The following TLL1 variants were observed in gnomAD, a reference collection of about 807,000 sequenced individuals.
TLL1 encodes the protein tolloid like 1.
TLL1 carries 49 observed loss-of-function variants against 128.2 expected under a neutral mutation model. The observed-to-expected ratio is 0.38, with a 90% CI of 0.30 to 0.48. The LOEUF (loss-of-function observed/expected upper bound fraction) is 0.48, where lower values mean the gene tolerates loss of function less well. TLL1 is among the 20% of genes least tolerant of loss of function. The pLI, the probability that TLL1 is intolerant of heterozygous loss-of-function variation, is 0.96. For synonymous variants in TLL1, 454 were observed against 418.8 expected (o/e 1.08, Z -1.03); for missense variants, 1,123 against 1,242.0 (o/e 0.90, Z 1.44).
intron 1 of TLL1, among the ~76,000 whole-genome samples, chr4:165,962,512 A>G (rs1735157456): frequency 6.6e-6 from 1 of 152,166 alleles, no homozygotes. Context: ...AGCAGTTTGG[A>G]GATTTCTCGA....
chr4:165,929,279 A>G (rs1733408168), intron 1 of TLL1, among the ~76,000 whole-genome samples: 1 of 152,280 alleles, frequency 6.6e-6, no homozygotes, highest in East Asian at 1.9e-4. Context: ...TCATCTTTCT[A>G]TTGTTTAAAG....
intron 15 of TLL1, among the ~76,000 whole-genome samples, chr4:166,061,126 T>C (rs1740290381): frequency 6.6e-6 from 1 of 152,192 alleles, no homozygotes; most frequent in South Asian, 2.1e-4. Flanking sequence ...GTAATGTATC[T>C]GTGCCACTGA....
chr4:166,029,150 A>C (rs559063786), intron 9 of TLL1, among the ~76,000 whole-genome samples: 1 of 151,630 alleles, frequency 6.6e-6, no homozygotes, highest in South Asian at 2.1e-4. Flanking sequence ...CTTCTTATGC[A>C]TTGAATTATG....
chr4:165,949,755 A>G (rs1185896815), intron 1 of TLL1, among the ~76,000 whole-genome samples: 1 of 152,126 alleles, frequency 6.6e-6, no homozygotes, highest in Non-Finnish European at 1.5e-5. Context: ...GGGGGAAACC[A>G]CTGCCATGAT....
At chr4:166,036,379 G>C (rs1738999655) in intron 9 of TLL1, among the ~76,000 whole-genome samples, 1 of 152,076 alleles carries the variant, frequency 6.6e-6, no homozygotes, top group Non-Finnish European at 1.5e-5. Flanking sequence ...CATACTCCAA[G>C]GGAGCTATAA....
At chr4:166,069,990 TA>T (rs768449131) in intron 16 of TLL1, among the ~76,000 whole-genome samples, 145 of 151,904 alleles carry the variant, frequency 9.5e-4, no homozygotes, top group Non-Finnish European at 1.6e-3. Flanking sequence ...ATTTGGACAT[TA>T]TGTAGAATTA....
At chr4:166,031,828 TAGG>T (rs1404658697) in intron 9 of TLL1, among the ~76,000 whole-genome samples, 3 of 152,182 alleles carry the variant, frequency 2.0e-5, no homozygotes, top group African/African-American at 4.8e-5. Flanking sequence ...ATTGAATAAA[TAGG>T]AGTAGAAGGA....
At chr4:166,057,423 C>G in intron 14 of TLL1, 114 bp downstream of exon 14, 2 of 1,446,962 alleles carry the variant, frequency 1.4e-6, no homozygotes, top group Non-Finnish European at 1.9e-6. Flanking sequence ...GACCTCTTTC[C>G]TCAATTAGTA....
intron 1 of TLL1, among the ~76,000 whole-genome samples, chr4:165,918,143 T>C (rs1343894324): frequency 6.6e-6 from 1 of 152,178 alleles, no homozygotes; most frequent in Non-Finnish European, 1.5e-5. Flanking sequence ...AGTATACCAT[T>C]TGAAGGAAAA....
At chr4:165,933,654 G>T (rs1033097182) in intron 1 of TLL1, among the ~76,000 whole-genome samples, 1 of 152,170 alleles carries the variant, frequency 6.6e-6, no homozygotes, top group Admixed American at 6.5e-5. Flanking sequence ...GAATTGAGGA[G>T]GGCCTGGGAG....
rs373369554 is a variant in TLL1, at chr4:166,091,167, G to C, written c.2482G>C (p.Ala828Pro). The change falls in exon 19 of 21, where the codon GCT becomes CCT. Residue 828 changes from alanine to proline, a missense_variant. Transcript: ENST00000061240. ...EFEIEQHQEC[A>P]YDHLEVFDGE... ...TGAGATTGAGCAGCATCAAGAATGT[G>C]CTTATGACCACTTAGAAGTATTTGA... 6.2e-7 allele frequency: 1 copy of C among 1,612,912 alleles called. No homozygotes were observed. The highest frequency in any genetic ancestry group is 8.5e-7 in the Non-Finnish European group (1 of 1,179,444).
intron 1 of TLL1, among the ~76,000 whole-genome samples, chr4:165,887,886 TA>T (rs57242587): frequency 0.013 from 2,025 of 152,300 alleles, 45 homozygotes; most frequent in African/African-American, 0.046. Flanking sequence ...GATATAGATT[TA>T]TTCATATATT....
chr4:166,015,359 T>G (rs1737887629), intron 8 of TLL1, among the ~76,000 whole-genome samples: 1 of 152,046 alleles, frequency 6.6e-6, no homozygotes, highest in South Asian at 2.1e-4. Context: ...TACTTAAGGT[T>G]GCAGATACAA....
chr4:165,951,887 T>C (rs1358460953), intron 1 of TLL1, among the ~76,000 whole-genome samples: 1 of 152,182 alleles, frequency 6.6e-6, no homozygotes, highest in Non-Finnish European at 1.5e-5. Context: ...TTTTTTTTCT[T>C]TTTATAGCAA....
chr4:166,022,330 T>A (rs1158866161), intron 8 of TLL1, among the ~76,000 whole-genome samples: 1 of 152,098 alleles, frequency 6.6e-6, no homozygotes, highest in African/African-American at 2.4e-5. Context: ...CACATCTGGC[T>A]AGTTTTTGTA....
At chr4:165,986,219 A>G (rs1736388107) in intron 1 of TLL1, among the ~76,000 whole-genome samples, 1 of 152,074 alleles carries the variant, frequency 6.6e-6, no homozygotes, top group Non-Finnish European at 1.5e-5. Flanking sequence ...AGTGTCAGAT[A>G]TATATTAGAT....
At chr4:165,976,811 A>G (rs1735905020) in intron 1 of TLL1, among the ~76,000 whole-genome samples, 3 of 152,330 alleles carry the variant, frequency 2.0e-5, no homozygotes, top group South Asian at 2.1e-4. Context: ...TAGATCAAGC[A>G]TGTCCAACCC....
chr4:165,937,520 T>C (rs1037353997), intron 1 of TLL1, among the ~76,000 whole-genome samples: 1 of 152,200 alleles, frequency 6.6e-6, no homozygotes, highest in Non-Finnish European at 1.5e-5. Flanking sequence ...TCAGAGCTTA[T>C]AGCTGTCACA....
chr4:166,014,381 A>T, intron 7 of TLL1, 55 bp from the exon 8 acceptor site: 1 of 1,609,428 alleles, frequency 6.2e-7, no homozygotes, highest in South Asian at 1.1e-5. Flanking sequence ...AATGTAAGGA[A>T]TTCATGAGTT....
Sources: gnomAD v4.1 joint callset for allele counts (sites outside exome capture counted in the v4.1 genomes callset) on GRCh38, gnomAD v4.1.1 for gene constraint, MANE v1.5 for transcripts, NCBI Gene and HGNC (gene_info 2026-07-23, HGNC 2026-07-21) for gene names.